Variants in SUPT3H observed in about 807,000 individuals in gnomAD.
SUPT3H encodes SPT3 homolog, SAGA and STAGA complex component, also known as transcription initiation protein SPT3 homolog.
SUPT3H carries 44 observed loss-of-function variants against 44.3 expected under a neutral mutation model. The observed-to-expected ratio is 0.99, with a 90% CI of 0.78 to 1.28. The LOEUF is 1.28. Ranked by LOEUF, SUPT3H falls within the 50% of genes most tolerant of loss-of-function variation. The pLI is 0.00. For synonymous variants in SUPT3H, 124 were observed against 125.6 expected, an observed-to-expected ratio of 0.99 and a Z score of 0.09; for missense variants, 380 against 387.1, an observed-to-expected ratio of 0.98 and a Z score of 0.15.
intron 2 of SUPT3H, among the ~76,000 whole-genome samples, chr6:45,109,809 T>C (rs950662162): frequency 6.6e-6 from 1 of 152,198 alleles, no homozygotes; most frequent in African/African-American, 2.4e-5. Context: ...GACAGACAAG[T>C]AATTGATACT....
At chr6:44,866,441 A>C (rs1415636418) in intron 10 of SUPT3H, among the ~76,000 whole-genome samples, 1 of 151,964 alleles carries the variant, frequency 6.6e-6, no homozygotes, top group African/African-American at 2.4e-5. Context: ...TAATATGTTG[A>C]GATCCATCTC....
chr6:45,162,798 CATG>C (rs1325817464), intron 2 of SUPT3H, among the ~76,000 whole-genome samples: 1 of 151,980 alleles, frequency 6.6e-6, no homozygotes, highest in Non-Finnish European at 1.5e-5. Flanking sequence ...AAATTATTTT[CATG>C]ATAAGAATAA....
chr6:45,261,980 C>A (rs75833179), intron 2 of SUPT3H, among the ~76,000 whole-genome samples: 1 of 151,836 alleles, frequency 6.6e-6, no homozygotes, highest in Non-Finnish European at 1.5e-5. Context: ...ACCTACAATA[C>A]CCACAAATAG....
At chr6:45,204,250 A>AAAAAGAAGAAGAAGAAGAAGAAGAAGAAG (rs1762861403) in intron 2 of SUPT3H, among the ~76,000 whole-genome samples, 1 of 143,052 alleles carries the variant, frequency 7.0e-6, no homozygotes, top group African/African-American at 2.6e-5. Flanking sequence ...CCGTCTCAAA[A>AAAAAGAAGAAGAAGAAGAAGAAGAAGAAG]AAGAAGAAGA....
intron 1 of SUPT3H, among the ~76,000 whole-genome samples, chr6:45,369,643 A>C (rs1423936610): frequency 6.6e-6 from 1 of 152,124 alleles, no homozygotes. Context: ...TTTAAAGCCA[A>C]CACCACCAGT....
intron 2 of SUPT3H, among the ~76,000 whole-genome samples, chr6:45,283,192 A>C (rs1040236001): frequency 9.2e-5 from 14 of 152,146 alleles, no homozygotes; most frequent in Admixed American, 2.0e-4. Context: ...GAGCAAAATA[A>C]CCAGCTAACA....
chr6:45,128,350 A>C (rs1802758508), intron 2 of SUPT3H, among the ~76,000 whole-genome samples: 1 of 150,708 alleles, frequency 6.6e-6, no homozygotes, highest in Admixed American at 6.6e-5. Context: ...ACTAAAATAC[A>C]AAAAACTAGC....
chr6:45,235,805 T>A (rs1254640395), intron 2 of SUPT3H, among the ~76,000 whole-genome samples: 2 of 152,238 alleles, frequency 1.3e-5, no homozygotes, highest in Non-Finnish European at 1.5e-5. Context: ...TGCAGCACTG[T>A]GACATGTTCA....
intron 10 of SUPT3H, among the ~76,000 whole-genome samples, chr6:44,907,755 A>G (rs1161351501): frequency 2.0e-5 from 3 of 152,052 alleles, no homozygotes; most frequent in Admixed American, 6.6e-5. Context: ...GGAAGGTGAT[A>G]TTTTTCATCT....
chr6:45,059,003 A>G (rs1791558786), intron 3 of SUPT3H, among the ~76,000 whole-genome samples: 1 of 152,120 alleles, frequency 6.6e-6, no homozygotes, highest in Admixed American at 6.6e-5. Flanking sequence ...ACTTATATTT[A>G]TAATATAGGT....
At chr6:44,981,357 G>T (rs1041682936) in intron 6 of SUPT3H, among the ~76,000 whole-genome samples, 14 of 152,250 alleles carry the variant, frequency 9.2e-5, no homozygotes, top group African/African-American at 3.4e-4. Flanking sequence ...GTTTTATTTT[G>T]ATGAGAGAGA....
At chr6:45,175,591 C>A (rs886774135) in intron 2 of SUPT3H, among the ~76,000 whole-genome samples, 2 of 152,048 alleles carry the variant, frequency 1.3e-5, no homozygotes, top group Non-Finnish European at 2.9e-5. Context: ...GGTCTTTCAC[C>A]GATCTTCTTA....
At position 45,158,292 on chromosome 6, in the gene SUPT3H, ATATATATTTT is replaced by A. The variant is rs1292467552; in HGVS notation, c.102-52296_102-52287del. Among the ~76,000 whole-genome samples the A allele has an allele frequency of 6.5e-4, 21 of 32,372 alleles. 1 individual carries two copies. Among genetic ancestry groups the A allele is most frequent in the African/African-American group, 2.2e-3 (20 of 9,302 alleles). The allele number at this position is 32,372 out of a possible 152,430, so 21.2% of individuals were successfully genotyped here. A position where few individuals can be genotyped will look rare whatever the true frequency, so the allele number is the denominator to read the frequency against. On this transcript the variant is annotated intron_variant, in intron 2 of 10. Coordinates refer to ENST00000371459, the MANE Select transcript of SUPT3H (RefSeq NM_003599.4). The stretch of plus-strand genomic sequence containing the variant: ...TAAATATACATATATATATATATAT[ATATATATTTT>A]TTTTTTTTTTTTTTTGAGATGGAGT...
At chr6:44,837,305 G>A (rs1423882600) in intron 10 of SUPT3H, among the ~76,000 whole-genome samples, 1 of 152,148 alleles carries the variant, frequency 6.6e-6, no homozygotes, top group East Asian at 1.9e-4. Flanking sequence ...GTTTATTTCT[G>A]TATGTCTAAG....
At chr6:45,009,061 A>G (rs1263104907) in intron 5 of SUPT3H, among the ~76,000 whole-genome samples, 1 of 152,140 alleles carries the variant, frequency 6.6e-6, no homozygotes, top group East Asian at 1.9e-4. Context: ...TCTATTGTCC[A>G]TTAGTTAATC....
At chr6:45,080,561 A>C (rs1318422318) in intron 3 of SUPT3H, among the ~76,000 whole-genome samples, 1 of 152,164 alleles carries the variant, frequency 6.6e-6, no homozygotes, top group Non-Finnish European at 1.5e-5. Context: ...TGAATAAAGA[A>C]AATGTGGCAT....
intron 2 of SUPT3H, among the ~76,000 whole-genome samples, chr6:45,189,290 G>A (rs1013616920): frequency 1.3e-4 from 20 of 152,176 alleles, no homozygotes; most frequent in South Asian, 8.3e-4. Context: ...TCCTTACCAT[G>A]TTTATAAATC....
At chr6:45,062,580 G>C (rs1180257690) in intron 3 of SUPT3H, among the ~76,000 whole-genome samples, 1 of 152,216 alleles carries the variant, frequency 6.6e-6, no homozygotes, top group East Asian at 1.9e-4. Context: ...GTGCCAGACA[G>C]TGGGCGCAGG....
At chr6:44,812,713 T>C (rs1354198632) in intron 11 of SUPT3H, among the ~76,000 whole-genome samples, 1 of 152,192 alleles carries the variant, frequency 6.6e-6, no homozygotes, top group African/African-American at 2.4e-5. Flanking sequence ...GTTCTCTTTT[T>C]TTCTCACGAA....
Sources: gnomAD v4.1 joint callset for allele counts (sites outside exome capture counted in the v4.1 genomes callset) on GRCh38, gnomAD v4.1.1 for gene constraint, MANE v1.5 for transcripts, NCBI Gene and HGNC (gene_info 2026-07-23, HGNC 2026-07-21) for gene names.